ZNF638: variants seen among roughly 807,000 people sequenced by gnomAD.
ZNF638 encodes the protein zinc finger protein 638.
ZNF638 carries 46 observed loss-of-function variants against 195.6 expected under a neutral mutation model. The ratio of observed to expected loss-of-function variants is 0.24; its 90% CI spans 0.19 to 0.30. The LOEUF (loss-of-function observed/expected upper bound fraction) is 0.30. Ranked by LOEUF, ZNF638 falls within the 10% of genes least tolerant of loss-of-function variation. The probability of loss-of-function intolerance (pLI) is 1.00; values close to 1 mark genes in which losing one functional copy is unlikely to be tolerated. For synonymous variants in ZNF638, 845 were observed against 772.0 expected, an observed-to-expected ratio of 1.09 and a Z score of -1.57; for missense variants, 2,440 against 2,325.3, an observed-to-expected ratio of 1.05 and a Z score of -1.01.
At chr2:71,405,104 C>T (rs1475325554) in intron 17 of ZNF638, among the ~76,000 whole-genome samples, 3 of 152,248 alleles carry the variant, frequency 2.0e-5, no homozygotes, top group South Asian at 2.1e-4. Flanking sequence ...GTTCCTTTGC[C>T]GCACACAAAG....
At chr2:71,420,393 G>A (rs1345293060) in intron 21 of ZNF638, among the ~76,000 whole-genome samples, 2 of 152,052 alleles carry the variant, frequency 1.3e-5, no homozygotes, top group African/African-American at 4.8e-5. Flanking sequence ...TCTGATTAAA[G>A]CCACAAATAA....
At chr2:71,421,342 G>GA (rs528571075) in intron 21 of ZNF638, among the ~76,000 whole-genome samples, 8 of 142,634 alleles carry the variant, frequency 5.6e-5, no homozygotes, top group Admixed American at 2.0e-4. Flanking sequence ...TTTATATTTT[G>GA]AAAAAAAGGG....
chr2:71,352,320 A>G (rs141575617), intron 2 of ZNF638, among the ~76,000 whole-genome samples: 237 of 152,092 alleles, frequency 1.6e-3, no homozygotes, highest in African/African-American at 4.8e-3. Context: ...TCTACTAAAA[A>G]TACAAGAATT....
intron 1 of ZNF638, among the ~76,000 whole-genome samples, chr2:71,345,866 T>C (rs1244314853): frequency 6.6e-6 from 1 of 152,194 alleles, no homozygotes; most frequent in Non-Finnish European, 1.5e-5. Flanking sequence ...GCAAGTATGG[T>C]GGCCTTCAAA....
chr2:71,394,607 A>G (rs933476846), intron 10 of ZNF638, among the ~76,000 whole-genome samples: 29 of 152,250 alleles, frequency 1.9e-4, no homozygotes, highest in Middle Eastern at 6.8e-3. Flanking sequence ...AGGCATTCCT[A>G]CCAGTCAGTT....
chr2:71,364,292 G>T, intron 5 of ZNF638, 40 bp downstream of exon 5: 1 of 1,541,498 alleles, frequency 6.5e-7, no homozygotes, highest in South Asian at 1.2e-5. Flanking sequence ...TACTTATTTT[G>T]ACTAAATTTT....
In ZNF638 at chr2:71,399,544, C is replaced by G. The variant is rs1461205646; in HGVS notation, c.2501-15C>G. 6.3e-7 allele frequency: 1 copy of G among 1,583,762 alleles called. No individual in the cohort carries two copies. The highest frequency in any genetic ancestry group is 8.6e-7 in the Non-Finnish European group (1 of 1,160,372). ...ACAAGACCTTTAGAATAATGGCTGA[C>G]TGTACTTTTACAAGCAAAATCTGGT... On this transcript the variant is annotated splice_polypyrimidine_tract_variant and intron_variant, in intron 12 of 27. Coordinates refer to ENST00000264447, the MANE Select transcript of ZNF638 (RefSeq NM_014497.5).
At chr2:71,418,120 A>G (rs980112469) in intron 20 of ZNF638, 4 of 152,410 alleles carry the variant, frequency 2.6e-5, no homozygotes, top group African/African-American at 9.6e-5. Context: ...TGGGACCCAC[A>G]TATCAGATAA....
At position 71,408,260 on chromosome 2, in the gene ZNF638, T is replaced by C. The variant is rs758203902; in HGVS notation, c.3261+13T>C. The C allele has an allele frequency of 2.5e-6, 4 of 1,603,772 alleles. No individual in the cohort carries two copies. In the East Asian group the frequency reaches 9.0e-5, roughly 36 times the overall value. ...AGACTTACCAGAGGTAAGATTTATC[T>C]TTCTTCAGCTTTTGTGATTTTAGAA... On this transcript the variant is annotated intron_variant, in intron 20 of 27. Transcript: ENST00000264447.
chr2:71,376,501 A>G (rs1398337418), intron 8 of ZNF638, among the ~76,000 whole-genome samples: 2 of 152,194 alleles, frequency 1.3e-5, no homozygotes, highest in Non-Finnish European at 2.9e-5. Context: ...GTGCAAGCCA[A>G]AAATAAGCTG....
rs1050956249 is a variant in ZNF638 at position 71,340,646 on chromosome 2, CT to C, written c.-202-8099del. Among the ~76,000 whole-genome samples, 4 of 152,054 alleles carry C rather than the reference CT, an allele frequency of 2.6e-5. No individual in the cohort carries two copies. In the South Asian group the frequency reaches 6.2e-4, roughly 24 times the overall value. ...CCCTTTGTGGGAAGATTATAGAATACTTTTTTTTCTTTCCTGCATGTTATAG... is the reference window on the plus strand; with the variant it reads ...CCCTTTGTGGGAAGATTATAGAATACTTTTTTTCTTTCCTGCATGTTATAG... On this transcript the variant is annotated intron_variant, in intron 1 of 27. Transcript: ENST00000264447.
At chr2:71,424,088 C>T in intron 22 of ZNF638, 50 bp downstream of exon 22, 2 of 1,570,084 alleles carry the variant, frequency 1.3e-6, no homozygotes, top group Non-Finnish European at 1.7e-6. Flanking sequence ...GTGATTAGCT[C>T]CGCTGCTGTA....
intron 10 of ZNF638, chr2:71,395,752 A>G (rs1321476424): frequency 5.2e-6 from 2 of 387,738 alleles, no homozygotes; most frequent in Non-Finnish European, 9.6e-6. Flanking sequence ...CACTCATGCA[A>G]AATACCTGTG....
intron 11 of ZNF638, 86 bp from the exon 12 acceptor site, chr2:71,398,615 C>T: frequency 1.9e-6 from 2 of 1,070,774 alleles, no homozygotes; most frequent in Non-Finnish European, 2.9e-6. Context: ...GCCTATTATT[C>T]TTACATCTTT....
intron 1 of ZNF638, among the ~76,000 whole-genome samples, chr2:71,339,572 T>C (rs2078730181): frequency 6.6e-6 from 1 of 152,248 alleles, no homozygotes; most frequent in Admixed American, 6.5e-5. Flanking sequence ...AAGGATGAGT[T>C]AGGCTTCAGA....
At position 71,411,231 on chromosome 2, in the gene ZNF638, C is replaced by G. The variant is rs955667193; in HGVS notation, c.3261+2984C>G. ...GTCAGGCTGGTCTCGAACTCCTGAC[C>G]TCATGATCTGCCTGCCTCAGCCTTC... On this transcript the variant is annotated intron_variant, in intron 20 of 27. Coordinates refer to ENST00000264447, the MANE Select transcript of ZNF638 (RefSeq NM_014497.5). 2.6e-5 allele frequency among the ~76,000 whole-genome samples: 4 copies of G among 150,986 alleles called. No homozygotes were observed. In the South Asian group the frequency reaches 8.3e-4, roughly 31 times the overall value.
At chr2:71,331,935 G>T (rs1010451054) in intron 1 of ZNF638, 60 bp downstream of exon 1, 22 of 985,630 alleles carry the variant, frequency 2.2e-5, no homozygotes, top group South Asian at 4.7e-5. Context: ...TATCGTGGGG[G>T]TCCTGAGCCC....
intron 20 of ZNF638, among the ~76,000 whole-genome samples, chr2:71,414,386 G>GC (rs1353466823): frequency 7.7e-5 from 1 of 12,926 alleles, no homozygotes; most frequent in African/African-American, 3.4e-4. Flanking sequence ...TATTAGTCTT[G>GC]CTAGCGGTCT....
At chr2:71,403,197 G>A (rs2080041047) in intron 16 of ZNF638, among the ~76,000 whole-genome samples, 1 of 152,048 alleles carries the variant, frequency 6.6e-6, no homozygotes, top group Non-Finnish European at 1.5e-5. Context: ...AAAGGGAACA[G>A]GATTCACATC....
Sources: allele counts gnomAD v4.1 joint callset (sites outside exome capture counted in the v4.1 genomes callset), GRCh38; gene constraint gnomAD v4.1.1; transcripts MANE v1.5; gene names NCBI Gene and HGNC (gene_info 2026-07-23, HGNC 2026-07-21).